The following NRXN3 variants were observed in gnomAD, a reference collection of about 807,000 sequenced individuals.
NRXN3 encodes the protein neurexin III.
Under a neutral mutation model 137.6 loss-of-function variants are expected in NRXN3, and 32 were observed. The ratio of observed to expected loss-of-function variants is 0.23; its 90% CI spans 0.18 to 0.31. The LOEUF (loss-of-function observed/expected upper bound fraction) is 0.31. NRXN3 is among the 10% of genes least tolerant of loss of function. NRXN3 has a pLI of 1.00. For missense variants in NRXN3, 1,574 were observed against 2,062.5 expected, an observed-to-expected ratio of 0.76 and a Z score of 4.59; for synonymous variants, 798 against 784.5, an observed-to-expected ratio of 1.02 and a Z score of -0.29.
intron 16 of NRXN3, among the ~76,000 whole-genome samples, chr14:79,562,964 A>G (rs1442347992): frequency 6.6e-6 from 1 of 152,186 alleles, no homozygotes; most frequent in Non-Finnish European, 1.5e-5. Context: ...ACTGAATAAG[A>G]TCTATGGTAA....
chr14:79,451,852 C>T lies in NRXN3; in HGVS notation c.3263-15369C>T, dbSNP rs139362533. Among the ~76,000 whole-genome samples the T allele has an allele frequency of 6.4e-3, 974 of 152,222 alleles. 8 individuals carry two copies. Among genetic ancestry groups the T allele is most frequent in the African/African-American group, 0.022 (901 of 41,538 alleles). On this transcript the variant is annotated intron_variant, in intron 15 of 20. Transcript: ENST00000335750. The stretch of plus-strand genomic sequence containing the variant: ...TGATCTGCACCGTGGCAGCCAGAGT[C>T]AGAGGAAATGGAGACAATGGGAAAG...
chr14:78,962,287 C>T (rs2099409580), intron 11 of NRXN3, among the ~76,000 whole-genome samples: 1 of 152,140 alleles, frequency 6.6e-6, no homozygotes. Context: ...TACTTCTCTA[C>T]AATTTTATTG....
intron 4 of NRXN3, among the ~76,000 whole-genome samples, chr14:78,321,450 G>GT (rs2079358572): frequency 6.6e-6 from 1 of 152,000 alleles, no homozygotes; most frequent in Non-Finnish European, 1.5e-5. Flanking sequence ...ATAAATATTT[G>GT]TATGTGAATA....
intron 16 of NRXN3, among the ~76,000 whole-genome samples, chr14:79,582,389 T>C (rs566010170): frequency 6.6e-6 from 1 of 152,276 alleles, no homozygotes; most frequent in Non-Finnish European, 1.5e-5. Context: ...CTATGTTTTT[T>C]GTTTGGTTTT....
intron 15 of NRXN3, among the ~76,000 whole-genome samples, chr14:79,136,589 A>T (rs892355366): frequency 1.7e-4 from 26 of 152,184 alleles, no homozygotes. Context: ...GTGAATCACA[A>T]ATTCATTACA....
At chr14:78,657,046 CAAAAAAAA>C (rs1174872709) in intron 6 of NRXN3, among the ~76,000 whole-genome samples, 14 of 31,062 alleles carry the variant, frequency 4.5e-4, no homozygotes, top group African/African-American at 2.2e-4. Flanking sequence ...GACTCCGTCT[CAAAAAAAA>C]AAAAAAAAAA....
intron 4 of NRXN3, among the ~76,000 whole-genome samples, chr14:78,505,332 C>CT (rs1490164904): frequency 2.6e-5 from 4 of 152,024 alleles, no homozygotes; most frequent in African/African-American, 9.7e-5. Context: ...GAATGTTTTT[C>CT]TTTTTTAATC....
chr14:78,245,197 C>A (rs553450492), intron 2 of NRXN3, among the ~76,000 whole-genome samples: 1 of 152,124 alleles, frequency 6.6e-6, no homozygotes, highest in African/African-American at 2.4e-5. Flanking sequence ...CTGGTCTCTT[C>A]GTGGAGGTGG....
At chr14:78,374,980 G>A (rs150250947) in intron 4 of NRXN3, among the ~76,000 whole-genome samples, 4 of 152,238 alleles carry the variant, frequency 2.6e-5, no homozygotes, top group Non-Finnish European at 5.9e-5. Flanking sequence ...GAGCCATACT[G>A]GGAAATACCT....
chr14:79,808,560 A>G (rs1281374977), intron 20 of NRXN3, among the ~76,000 whole-genome samples: 1 of 151,954 alleles, frequency 6.6e-6, no homozygotes, highest in African/African-American at 2.4e-5. Context: ...AATACACTAA[A>G]TTTGGCTAAC....
intron 8 of NRXN3, among the ~76,000 whole-genome samples, chr14:78,716,816 A>T (rs1368624966): frequency 6.6e-6 from 1 of 152,266 alleles, no homozygotes; most frequent in Non-Finnish European, 1.5e-5. Context: ...GGAAGAAAAG[A>T]GAGCTTTCTT....
chr14:78,734,206 AACACACACACACACACACACACAC>A (rs10563958), intron 8 of NRXN3, among the ~76,000 whole-genome samples: 1 of 137,786 alleles, frequency 7.3e-6, no homozygotes, highest in African/African-American at 2.7e-5. Context: ...CTGCATCTGA[AACACACACACACACACACACACAC>A]ACACACACAC....
At chr14:79,499,338 C>T (rs2096797462) in intron 16 of NRXN3, among the ~76,000 whole-genome samples, 1 of 152,154 alleles carries the variant, frequency 6.6e-6, no homozygotes, top group Non-Finnish European at 1.5e-5. Flanking sequence ...AGACTTCTTC[C>T]TTCAGCACCA....
At chr14:78,356,025 G>A (rs1418196155) in intron 4 of NRXN3, among the ~76,000 whole-genome samples, 1 of 152,194 alleles carries the variant, frequency 6.6e-6, no homozygotes, top group Non-Finnish European at 1.5e-5. Context: ...GACAGGTGGC[G>A]AAAAATCTTA....
chr14:79,684,881 A>G (rs2193672), intron 17 of NRXN3, among the ~76,000 whole-genome samples: 57,288 of 151,840 alleles, frequency 0.38, 13,199 homozygotes, highest in African/African-American at 0.65. Context: ...ACAGAGAAGC[A>G]GAGATGACAC....
intron 4 of NRXN3, among the ~76,000 whole-genome samples, chr14:78,449,275 C>T (rs972109883): frequency 5.9e-5 from 9 of 152,308 alleles, no homozygotes; most frequent in East Asian, 3.9e-4. Flanking sequence ...TATCGTGGCG[C>T]GATCTTGGCT....
At chr14:79,307,011 C>T (rs2086201790) in intron 15 of NRXN3, among the ~76,000 whole-genome samples, 1 of 152,096 alleles carries the variant, frequency 6.6e-6, no homozygotes, top group African/African-American at 2.4e-5. Context: ...GTGGGGGCCA[C>T]TCCTTCTACT....
chr14:79,633,880 C>G (rs754437863), intron 16 of NRXN3, among the ~76,000 whole-genome samples: 4 of 152,102 alleles, frequency 2.6e-5, no homozygotes, highest in Non-Finnish European at 5.9e-5. Context: ...GTTTTGGCTA[C>G]CAAAACTCTA....
At chr14:78,956,373 C>A (rs1228385518) in intron 10 of NRXN3, among the ~76,000 whole-genome samples, 1 of 152,148 alleles carries the variant, frequency 6.6e-6, no homozygotes, top group Non-Finnish European at 1.5e-5. Flanking sequence ...CTCTTTGTCT[C>A]TCTTGCCATC....
Sources: gnomAD v4.1 joint callset for allele counts (sites outside exome capture counted in the v4.1 genomes callset) on GRCh38, gnomAD v4.1.1 for gene constraint, MANE v1.5 for transcripts, NCBI Gene and HGNC (gene_info 2026-07-23, HGNC 2026-07-21) for gene names.